Variants in ANO4 observed in about 807,000 individuals in gnomAD.
The protein encoded by ANO4 is anoctamin-4.
ANO4 carries 69 observed loss-of-function variants against 141.9 expected under a neutral mutation model. The observed-to-expected ratio is 0.49, with a 90% CI of 0.40 to 0.59. The LOEUF (loss-of-function observed/expected upper bound fraction) is 0.59, where lower values mean the gene tolerates loss of function less well. ANO4 is among the 20% of genes least tolerant of loss of function. The pLI, the probability that ANO4 is intolerant of heterozygous loss-of-function variation, is 0.00. For synonymous variants in ANO4, 350 were observed against 394.3 expected (o/e 0.89, Z 1.33); for missense variants, 894 against 1,162.2 (o/e 0.77, Z 3.36).
intron 14 of ANO4, among the ~76,000 whole-genome samples, chr12:101,076,850 G>C (rs548958295): frequency 6.6e-6 from 1 of 152,110 alleles, no homozygotes; most frequent in Non-Finnish European, 1.5e-5. Context: ...TTGCTTGAGG[G>C]GCTAGAGGAC....
At chr12:100,876,835 A>G (rs945326848) in intron 1 of ANO4, among the ~76,000 whole-genome samples, 3 of 152,198 alleles carry the variant, frequency 2.0e-5, no homozygotes, top group African/African-American at 7.2e-5. Flanking sequence ...TGCCAGTACC[A>G]TACTATTTTG....
chr12:100,893,161 A>C (rs545907283), intron 1 of ANO4, among the ~76,000 whole-genome samples: 1 of 151,392 alleles, frequency 6.6e-6, no homozygotes, highest in South Asian at 2.1e-4. Context: ...GTTTCTTCAG[A>C]AGGGTGGTGA....
intron 1 of ANO4, among the ~76,000 whole-genome samples, chr12:100,846,241 A>G (rs2037552787): frequency 6.6e-6 from 1 of 152,218 alleles, no homozygotes; most frequent in Non-Finnish European, 1.5e-5. Flanking sequence ...CCTAGTATAT[A>G]AAAATCATAC....
intron 5 of ANO4, 147 bp downstream of exon 5, chr12:100,942,682 A>C (rs1037686521): frequency 1.2e-6 from 1 of 825,558 alleles, no homozygotes; most frequent in Non-Finnish European, 1.8e-6. Context: ...GAATGTTCCA[A>C]TATTTAGACT....
chr12:101,118,949 T>C lies in ANO4; in HGVS notation c.2571-1571T>C, dbSNP rs2050968204. ...GTTCTCATTGTTCAGTTCCCACCTA[T>C]GAATGAGAACATGCGGTGTTTGGTT... On this transcript the variant is annotated intron_variant, in intron 25 of 27. Transcript: ENST00000392977. 4.1e-5 allele frequency among the ~76,000 whole-genome samples: 6 copies of C among 148,028 alleles called. No homozygotes were observed. In the South Asian group the frequency reaches 1.3e-3, roughly 32 times the overall value.
chr12:100,989,945 A>G (rs909507163), intron 8 of ANO4, among the ~76,000 whole-genome samples: 3 of 145,574 alleles, frequency 2.1e-5, no homozygotes, highest in Non-Finnish European at 4.5e-5. Context: ...CACTGAATGA[A>G]TGGATGGGTA....
chr12:101,096,660 C>G lies in ANO4; in HGVS notation c.1850+13C>G. On this transcript the variant is annotated intron_variant, in intron 19 of 27. Transcript: ENST00000392977. The stretch of plus-strand genomic sequence containing the variant: ...TCTTCCTCGGAAGGTAAGAACCTGA[C>G]CCCTGCACACCTCCCCAAGCTGAGG... The G allele has an allele frequency of 6.3e-7, 1 of 1,582,548 alleles. No individual in the cohort carries two copies. The highest frequency in any genetic ancestry group is 8.7e-7 in the Non-Finnish European group (1 of 1,151,792).
intron 13 of ANO4, among the ~76,000 whole-genome samples, chr12:101,043,946 A>C (rs1483077063): frequency 1.3e-5 from 2 of 152,206 alleles, no homozygotes; most frequent in African/African-American, 4.8e-5. Context: ...TCTGGGAATA[A>C]GATATTTAAC....
At chr12:101,046,988 G>A (rs2047658426) in intron 13 of ANO4, among the ~76,000 whole-genome samples, 3 of 152,202 alleles carry the variant, frequency 2.0e-5, no homozygotes, top group Non-Finnish European at 4.4e-5. Flanking sequence ...GGTGGCTCAC[G>A]CCTGTAATCC....
intron 3 of ANO4, among the ~76,000 whole-genome samples, chr12:100,752,554 T>C (rs1002258101): frequency 1.3e-5 from 2 of 152,172 alleles, no homozygotes; most frequent in Admixed American, 1.3e-4. Context: ...ATTTAGATAA[T>C]ATAATACCTG....
At chr12:100,854,014 T>G (rs11615271) in intron 1 of ANO4, among the ~76,000 whole-genome samples, 29,074 of 152,092 alleles carry the variant, frequency 0.19, 3,326 homozygotes, top group Middle Eastern at 0.35. Context: ...ATTTTCCATG[T>G]TCCTTCCGGA....
chr12:101,054,344 G>A (rs899379840), intron 14 of ANO4, among the ~76,000 whole-genome samples: 5 of 152,126 alleles, frequency 3.3e-5, no homozygotes, highest in African/African-American at 1.2e-4. Flanking sequence ...ATTAATGGTG[G>A]TTTGCTTTAT....
At chr12:101,090,620 G>A (rs1380212990) in intron 17 of ANO4, among the ~76,000 whole-genome samples, 2 of 152,092 alleles carry the variant, frequency 1.3e-5, no homozygotes, top group Admixed American at 1.3e-4. Context: ...AGGCGGGAGG[G>A]ATAGCATTAG....
intron 14 of ANO4, among the ~76,000 whole-genome samples, chr12:101,054,338 A>G (rs1306379714): frequency 1.3e-5 from 2 of 152,210 alleles, no homozygotes; most frequent in African/African-American, 4.8e-5. Flanking sequence ...CATAATATTA[A>G]TGGTGGTTTG....
intron 3 of ANO4, among the ~76,000 whole-genome samples, chr12:100,760,563 C>A (rs1193779381): frequency 2.0e-5 from 3 of 152,126 alleles, no homozygotes; most frequent in African/African-American, 7.2e-5. Flanking sequence ...TAAGACTTTT[C>A]CTGTTTTAAA....
At chr12:101,013,225 G>A (rs562317689) in intron 8 of ANO4, among the ~76,000 whole-genome samples, 18 of 152,238 alleles carry the variant, frequency 1.2e-4, no homozygotes, top group Non-Finnish European at 2.2e-4. Context: ...TAGACATCAA[G>A]CGAGATGTCA....
intron 1 of ANO4, among the ~76,000 whole-genome samples, chr12:100,811,358 CT>C (rs778571074): frequency 5.3e-5 from 8 of 152,108 alleles, no homozygotes; most frequent in South Asian, 2.1e-4. Flanking sequence ...GTTCCCTTAT[CT>C]TTGGAAGATA....
chr12:100,861,895 G>A (rs1000106009), intron 1 of ANO4, among the ~76,000 whole-genome samples: 41 of 151,894 alleles, frequency 2.7e-4, no homozygotes, highest in African/African-American at 8.9e-4. Context: ...ACACATTAGC[G>A]TAGGCCTACA....
intron 5 of ANO4, among the ~76,000 whole-genome samples, chr12:100,955,586 G>A (rs776748054): frequency 6.6e-6 from 1 of 152,212 alleles, no homozygotes; most frequent in Non-Finnish European, 1.5e-5. Context: ...TAGAAGATGT[G>A]TGGGATGAAC....
Sources: gnomAD v4.1 joint callset for allele counts (sites outside exome capture counted in the v4.1 genomes callset) on GRCh38, gnomAD v4.1.1 for gene constraint, MANE v1.5 for transcripts, NCBI Gene and HGNC (gene_info 2026-07-23, HGNC 2026-07-21) for gene names.